The following CACNA1A variants were observed in gnomAD, a reference collection of about 807,000 sequenced individuals.
CACNA1A encodes the protein calcium voltage-gated channel subunit alpha1 A.
In CACNA1A, 57 loss-of-function variants were observed where a neutral mutation model predicts 262.4. The ratio of observed to expected loss-of-function variants is 0.22; its 90% confidence interval spans 0.18 to 0.27. CACNA1A has a LOEUF of 0.27. Among genes scored for constraint, CACNA1A ranks in the 10% least tolerant of loss-of-function variants. The probability of loss-of-function intolerance (pLI) is 1.00; values close to 1 mark genes in which losing one functional copy is unlikely to be tolerated. For missense variants in CACNA1A, 2,526 were observed against 3,562.8 expected (o/e 0.71, Z 7.41); for synonymous variants, 1,431 against 1,419.3 (o/e 1.01, Z -0.18).
chr19:13,436,526 T>C (rs550442390), intron 3 of CACNA1A, among the ~76,000 whole-genome samples: 108 of 151,892 alleles, frequency 7.1e-4, no homozygotes, highest in African/African-American at 2.4e-3. Flanking sequence ...CATTCATTCA[T>C]TCACTCACTC....
intron 34 of CACNA1A, 146 bp from the exon 35 acceptor site, chr19:13,232,006 A>T: frequency 1.4e-6 from 1 of 692,806 alleles, no homozygotes; most frequent in Non-Finnish European, 2.4e-6. Flanking sequence ...TTTTACTGGG[A>T]GCTGAGAGAA....
Position 13,208,879 on chromosome 19 carries a change from ATGGTGGTGGTGG to A in CACNA1A, c.6645_6656del (p.His2216_His2219del), listed in dbSNP as rs759331923. On this transcript the variant is annotated inframe_deletion, in exon 46 of 47. Coordinates refer to ENST00000360228, the MANE Select transcript of CACNA1A (RefSeq NM_001127222.2). ...AGCGGTCCTTGTCGGGGGGCGGGGG[ATGGTGGTGGTGG>A]TGGTGGTGGTGGTGGTGCTGTCGAT... The A allele has an allele frequency of 4.5e-5, 66 of 1,454,150 alleles. No homozygotes were observed. The highest frequency in any genetic ancestry group is 5.5e-5 in the Non-Finnish European group (60 of 1,081,372). 90.1% of individuals were successfully genotyped at this position (1,454,150 alleles called of 1,614,324 possible).
intron 36 of CACNA1A, 56 bp from the exon 37 acceptor site, chr19:13,227,583 A>G (rs1384206051): frequency 2.0e-6 from 2 of 980,324 alleles, no homozygotes; most frequent in Non-Finnish European, 3.1e-6. Flanking sequence ...CAAAACGGGA[A>G]TGGGAACAGA....
At chr19:13,283,125 C>T in intron 22 of CACNA1A, 142 bp downstream of exon 22, 1 of 955,324 alleles carries the variant, frequency 1.0e-6, no homozygotes, top group South Asian at 2.0e-5. Context: ...ATCAGAGCTT[C>T]CCCTCTCAAC....
intron 19 of CACNA1A, among the ~76,000 whole-genome samples, chr19:13,288,229 C>T (rs2057450343): frequency 6.8e-6 from 1 of 147,650 alleles, no homozygotes; most frequent in South Asian, 2.4e-4. Context: ...TTCTTTCTTT[C>T]TTTTTCTTTT....
chr19:13,316,868 G>T (rs946633215), intron 11 of CACNA1A: 3 of 398,976 alleles, frequency 7.5e-6, no homozygotes, highest in Non-Finnish European at 1.3e-5. Context: ...CTCTTAGAAA[G>T]GAATCACAGG....
intron 10 of CACNA1A, among the ~76,000 whole-genome samples, chr19:13,318,127 AT>A (rs35082039): frequency 3.3e-5 from 5 of 151,076 alleles, no homozygotes; most frequent in African/African-American, 9.7e-5. Flanking sequence ...TTAAATAACA[AT>A]TTTTTTTTTA....
intron 3 of CACNA1A, among the ~76,000 whole-genome samples, chr19:13,392,200 A>T (rs1348687247): frequency 6.6e-6 from 1 of 152,020 alleles, no homozygotes; most frequent in Non-Finnish European, 1.5e-5. Context: ...AACAAGAGTG[A>T]AACTCTGTTC....
intron 44 of CACNA1A, among the ~76,000 whole-genome samples, 171 bp downstream of exon 44, chr19:13,210,446 C>A (rs2054764762): frequency 6.6e-6 from 1 of 151,898 alleles, no homozygotes; most frequent in Non-Finnish European, 1.5e-5. Context: ...GTGAGGGGCA[C>A]ACACAGGACA....
intron 3 of CACNA1A, chr19:13,452,652 GC>G: frequency 2.3e-6 from 1 of 425,550 alleles, no homozygotes. Context: ...TCTGGAAGCA[GC>G]CAACAATAAT....
At position 13,283,346 on chromosome 19, in the gene CACNA1A, C is replaced by T. The variant is rs1600238878; in HGVS notation, c.3743G>A (p.Cys1248Tyr). 1.2e-6 allele frequency: 2 copies of T among 1,613,952 alleles called. No individual in the cohort carries two copies. Among genetic ancestry groups the T allele is most frequent in the Non-Finnish European group, 1.7e-6 (2 of 1,179,876 alleles). ...YILNLRYFEM[C>Y]ILMVIAMSSI... ...GCTCATGGCAATGACCATGAGGATG[C>T]ACATCTCAAAGTAGCGCAGGTTCAG... The change falls in exon 22 of 47, where the codon TGC becomes TAC. Residue 1248 changes from cysteine to tyrosine, a missense_variant. Coordinates refer to ENST00000360228, the MANE Select transcript of CACNA1A (RefSeq NM_001127222.2).
chr19:13,240,688 G>T (rs2056051355), intron 31 of CACNA1A, among the ~76,000 whole-genome samples: 1 of 149,734 alleles, frequency 6.7e-6, no homozygotes, highest in African/African-American at 2.5e-5. Context: ...CAGTGTCTGT[G>T]TGCAGTGACT....
chr19:13,245,113 T>C, intron 31 of CACNA1A, 69 bp downstream of exon 31: 1 of 1,237,798 alleles, frequency 8.1e-7, no homozygotes, highest in Non-Finnish European at 1.2e-6. Context: ...CTGGGACCGC[T>C]CCCCCGCCCC....
At chr19:13,282,860 G>T (rs1336312886) in intron 22 of CACNA1A, among the ~76,000 whole-genome samples, 1 of 152,176 alleles carries the variant, frequency 6.6e-6, no homozygotes, top group African/African-American at 2.4e-5. Context: ...GAGCCAAATA[G>T]TTGTTTCTTT....
At chr19:13,234,817 T>C (rs2055819179) in intron 34 of CACNA1A, 104 bp downstream of exon 34, 1 of 792,984 alleles carries the variant, frequency 1.3e-6, no homozygotes, top group Admixed American at 2.0e-5. Context: ...GGAGGGCACG[T>C]CTTGCATTGG....
Position 13,207,976 on chromosome 19 carries a change from G to C in CACNA1A, c.6858C>G (p.Leu2286=), listed in dbSNP as rs1438053529. The change falls in exon 47 of 47, where the codon CTC becomes CTG. Residue 2286 remains leucine, a synonymous_variant. Transcript: ENST00000360228. The surrounding 1 kb of genome is among the most constrained non-coding windows in gnomAD (Gnocchi z 5.7). ...TSTPRRGRRQ[L]PQTPSTPRPH... ...GCCGGGGGGTGGAGGGGGTCTGGGGGAGCTGGCGGCGGCCCCGCCGCGGAG... is the reference window on the plus strand; with the variant it reads ...GCCGGGGGGTGGAGGGGGTCTGGGGCAGCTGGCGGCGGCCCCGCCGCGGAG... 1 of 1,332,694 alleles carries C rather than the reference G, an allele frequency of 7.5e-7. No individual in the cohort carries two copies. Among genetic ancestry groups the C allele is most frequent in the South Asian group, 2.1e-5 (1 of 48,742 alleles). The allele number at this position is 1,332,694 out of a possible 1,614,324, so 82.6% of individuals were successfully genotyped here. A position where few individuals can be genotyped will look rare whatever the true frequency, so the allele number is the denominator to read the frequency against.
chr19:13,396,896 CT>C (rs1358503240), intron 3 of CACNA1A, among the ~76,000 whole-genome samples: 7 of 152,180 alleles, frequency 4.6e-5, no homozygotes, highest in African/African-American at 1.7e-4. Flanking sequence ...TGGAATATTG[CT>C]TCCCTGCTCC....
rs145055083 is a variant in CACNA1A, at chr19:13,347,995, G to A, written c.978+11611C>T. 2.6e-4 allele frequency among the ~76,000 whole-genome samples: 40 copies of A among 152,046 alleles called. No individual in the cohort carries two copies. In the East Asian group the frequency reaches 7.2e-3, roughly 27 times the overall value. On this transcript the variant is annotated intron_variant, in intron 6 of 46. Transcript: ENST00000360228. ...GAGTGCAGGGGTGTAATCACAGCTC[G>A]GTGCAGCTTCAAACCCTTGGGCTCA...
At chr19:13,219,435 C>A (rs145104356) in intron 38 of CACNA1A, among the ~76,000 whole-genome samples, 8 of 152,278 alleles carry the variant, frequency 5.3e-5, no homozygotes, top group African/African-American at 1.9e-4. Context: ...ATCACTGAAC[C>A]TGTGGGTGGT....
Sources: allele counts gnomAD v4.1 joint callset (sites outside exome capture counted in the v4.1 genomes callset), GRCh38; gene constraint gnomAD v4.1.1; non-coding constraint Gnocchi (gnomAD v3.1); transcripts MANE v1.5; gene names NCBI Gene and HGNC (gene_info 2026-07-23, HGNC 2026-07-21).